The following FAT3 variants were observed in gnomAD, a reference collection of about 807,000 sequenced individuals.
FAT3 encodes FAT atypical cadherin 3.
Under a neutral mutation model 310.2 loss-of-function variants are expected in FAT3, and 95 were observed. The observed-to-expected ratio is 0.31, with a 90% CI of 0.26 to 0.36. The LOEUF (loss-of-function observed/expected upper bound fraction) is 0.36, where lower values mean the gene tolerates loss of function less well. Ranked by LOEUF, FAT3 falls within the 10% of genes least tolerant of loss-of-function variation. The pLI, the probability that FAT3 is intolerant of heterozygous loss-of-function variation, is 1.00. For synonymous variants in FAT3, 2,314 were observed against 2,192.9 expected, an observed-to-expected ratio of 1.06 and a Z score of -1.54; for missense variants, 5,408 against 5,715.6, an observed-to-expected ratio of 0.95 and a Z score of 1.74.
At chr11:92,697,620 G>C (rs1270558429) in intron 4 of FAT3, among the ~76,000 whole-genome samples, 175 bp downstream of exon 4, 1 of 152,208 alleles carries the variant, frequency 6.6e-6, no homozygotes, top group Non-Finnish European at 1.5e-5. Flanking sequence ...TTCCCAACAT[G>C]CTCCTGTGTG....
chr11:92,478,249 C>T (rs1186346804), intron 2 of FAT3, among the ~76,000 whole-genome samples: 2 of 152,168 alleles, frequency 1.3e-5, no homozygotes, highest in African/African-American at 4.8e-5. Context: ...GCCAGTTTTG[C>T]TCTTGAATTT....
At chr11:92,711,638 A>G (rs1944524667) in intron 4 of FAT3, among the ~76,000 whole-genome samples, 1 of 152,224 alleles carries the variant, frequency 6.6e-6, no homozygotes, top group Admixed American at 6.5e-5. Context: ...TCTACCTTAT[A>G]GCATTTACCT....
At position 92,889,891 on chromosome 11, in the gene FAT3, G is replaced by A. The variant is rs772840994; in HGVS notation, c.13147G>A (p.Ala4383Thr). The part of the protein sequence containing the change: ...VMDQGQNYNR[A>T]YHWDTSDWMP... ...GGACCAAGGACAGAACTACAACCGA[G>A]GTGACTGTGCCGCAACCCTAGCATA... The change falls in exon 27 of 28, where the codon GCC (alanine) becomes ACC (threonine). Residue 4383 changes from alanine (A) to threonine (T), a missense_variant and splice_region_variant. This residue lies in a region of FAT3 where 649 missense variants were observed against 666.2 expected (regional missense o/e 0.97). Coordinates refer to ENST00000525166, the MANE Select transcript of FAT3 (RefSeq NM_001367949.2). The A allele has an allele frequency of 2.8e-6, 2 of 718,084 alleles. No individual in the cohort carries two copies. The highest frequency in any genetic ancestry group is 1.5e-5 in the South Asian group (1 of 67,594). 44.5% of individuals were successfully genotyped at this position (718,084 alleles called of 1,614,324 possible).
At chr11:92,340,014 A>G (rs1212670767) in intron 1 of FAT3, among the ~76,000 whole-genome samples, 1 of 146,984 alleles carries the variant, frequency 6.8e-6, no homozygotes, top group East Asian at 2.1e-4. Flanking sequence ...CGGGAGGCTG[A>G]GGCAGGAGAA....
intron 1 of FAT3, among the ~76,000 whole-genome samples, chr11:92,225,745 C>T (rs1033159756): frequency 1.3e-5 from 2 of 152,080 alleles, no homozygotes; most frequent in Admixed American, 1.3e-4. Context: ...GTTCCCCACG[C>T]CTGACTCGGG....
intron 2 of FAT3, among the ~76,000 whole-genome samples, chr11:92,472,586 A>C (rs1951936423): frequency 6.6e-6 from 1 of 152,184 alleles, no homozygotes; most frequent in Non-Finnish European, 1.5e-5. Flanking sequence ...ATAATAATTC[A>C]AGTCGACACA....
intron 2 of FAT3, among the ~76,000 whole-genome samples, chr11:92,480,995 G>A (rs1418226409): frequency 9.2e-5 from 14 of 152,154 alleles, no homozygotes; most frequent in African/African-American, 2.7e-4. Flanking sequence ...AAAAGGTATC[G>A]TTGCAAACTT....
intron 7 of FAT3, among the ~76,000 whole-genome samples, chr11:92,776,214 G>A (rs1946594221): frequency 2.0e-5 from 3 of 152,050 alleles, no homozygotes; most frequent in African/African-American, 7.2e-5. Context: ...AGTGTGCCCA[G>A]AATACAATTA....
intron 2 of FAT3, among the ~76,000 whole-genome samples, chr11:92,459,372 G>T (rs145125206): frequency 2.0e-5 from 3 of 152,288 alleles, no homozygotes; most frequent in African/African-American, 7.2e-5. Context: ...CAGAGTGGTG[G>T]AAAGAGTGAA....
intron 19 of FAT3, among the ~76,000 whole-genome samples, chr11:92,854,019 C>G (rs1359925907): frequency 6.6e-6 from 1 of 152,144 alleles, no homozygotes; most frequent in Non-Finnish European, 1.5e-5. Context: ...TCCACCGTAT[C>G]CAGGCTGTTC....
intron 7 of FAT3, among the ~76,000 whole-genome samples, chr11:92,788,940 A>G (rs182143508): frequency 6.6e-6 from 1 of 152,318 alleles, no homozygotes; most frequent in Admixed American, 6.5e-5. Context: ...CCATTTATGG[A>G]TGTATTAACC....
Position 92,890,954 on chromosome 11 carries a change from C to G in FAT3, c.13611C>G (p.Ser4537=), listed in dbSNP as rs1221521962. The change falls in exon 28 of 28, where the codon TCC becomes TCG. Residue 4537 remains serine (S), a synonymous_variant. Transcript: ENST00000525166. ...GCCCAGCAGACAGCGTGTCTCTGTC[C>G]TTGCACAATTCCAGAGGCACCTCAT... ...PTGPADSVSL[S]LHNSRGTSSS... 6.2e-7 allele frequency: 1 copy of G among 1,613,848 alleles called. No homozygotes were observed. The highest frequency in any genetic ancestry group is 1.3e-5 in the African/African-American group (1 of 74,938).
intron 2 of FAT3, among the ~76,000 whole-genome samples, chr11:92,468,439 C>G (rs1337220338): frequency 2.6e-5 from 4 of 152,162 alleles, no homozygotes; most frequent in African/African-American, 7.2e-5. Context: ...TGTATAGCAT[C>G]TTTAATGCAC....
chr11:92,674,769 T>C (rs1943236941), intron 3 of FAT3, among the ~76,000 whole-genome samples: 1 of 152,156 alleles, frequency 6.6e-6, no homozygotes, highest in African/African-American at 2.4e-5. Context: ...GCTCAAGCGA[T>C]CTTCCCACTT....
intron 7 of FAT3, among the ~76,000 whole-genome samples, chr11:92,782,448 C>T (rs1269101096): frequency 3.3e-5 from 5 of 152,098 alleles, no homozygotes; most frequent in Non-Finnish European, 7.4e-5. Context: ...TATGGTGGCA[C>T]ACACCTATAG....
intron 3 of FAT3, among the ~76,000 whole-genome samples, chr11:92,559,175 C>A (rs375299377): frequency 1.3e-5 from 2 of 152,026 alleles, no homozygotes; most frequent in East Asian, 3.9e-4. Flanking sequence ...ACATACCATA[C>A]AATTCACCTA....
chr11:92,237,887 G>A (rs79866994), intron 1 of FAT3, among the ~76,000 whole-genome samples: 1,537 of 152,220 alleles, frequency 0.01, 31 homozygotes, highest in African/African-American at 0.035. Flanking sequence ...TGTAGGAAAT[G>A]GGAATGTGGT....
intron 3 of FAT3, among the ~76,000 whole-genome samples, chr11:92,614,706 A>G (rs773113928): frequency 5.3e-5 from 8 of 152,216 alleles, no homozygotes; most frequent in Non-Finnish European, 1.2e-4. Context: ...AAAAAGTTTT[A>G]CAATTGTGAT....
At chr11:92,407,072 T>A (rs1241863685) in intron 2 of FAT3, among the ~76,000 whole-genome samples, 2 of 152,198 alleles carry the variant, frequency 1.3e-5, no homozygotes, top group Non-Finnish European at 2.9e-5. Flanking sequence ...ACTCAATTGT[T>A]CTAGCTGCCA....
Sources: gnomAD v4.1 joint callset for allele counts (sites outside exome capture counted in the v4.1 genomes callset) on GRCh38, gnomAD v4.1.1 for gene constraint, gnomAD v4.1.1 regional missense constraint, MANE v1.5 for transcripts, NCBI Gene and HGNC (gene_info 2026-07-23, HGNC 2026-07-21) for gene names.